The following DUS2 variants were observed in gnomAD, a reference collection of about 807,000 sequenced individuals.
DUS2 encodes the protein dihydrouridine synthase 2.
A neutral mutation model predicts 71.3 loss-of-function variants in DUS2; 52 were observed. That is an observed-to-expected ratio of 0.73 (90% CI 0.58 to 0.92). The LOEUF is 0.92. DUS2 is among the 40% of genes least tolerant of loss of function. DUS2 has a pLI of 0.00. For synonymous variants in DUS2, 204 were observed against 227.8 expected (o/e 0.90, Z 0.94); for missense variants, 558 against 622.6 (o/e 0.90, Z 1.10).
chr16:68,076,095 T>C (rs2034152307), intron 14 of DUS2, among the ~76,000 whole-genome samples: 1 of 151,316 alleles, frequency 6.6e-6, no homozygotes. Context: ...CCAGGGAGAG[T>C]TCCAGTTGGG....
At chr16:68,034,473 C>T (rs1298022026) in intron 2 of DUS2, among the ~76,000 whole-genome samples, 2 of 152,184 alleles carry the variant, frequency 1.3e-5, no homozygotes, top group Non-Finnish European at 2.9e-5. Context: ...CCACCTCAGC[C>T]TCCCAAGTAA....
chr16:68,042,688 T>C (rs1282866908), intron 3 of DUS2, among the ~76,000 whole-genome samples: 1 of 151,782 alleles, frequency 6.6e-6, no homozygotes, highest in East Asian at 1.9e-4. Context: ...TTTATTTATT[T>C]ATTTATTTTT....
At chr16:68,061,215 C>A in intron 8 of DUS2, 102 bp downstream of exon 8, 1 of 1,246,682 alleles carries the variant, frequency 8.0e-7, no homozygotes, top group Non-Finnish European at 1.2e-6. Flanking sequence ...CTGATGTCCA[C>A]CCAGTTTCTC....
intron 3 of DUS2, among the ~76,000 whole-genome samples, chr16:68,040,583 G>A (rs1328079311): frequency 6.6e-6 from 1 of 152,176 alleles, no homozygotes; most frequent in Non-Finnish European, 1.5e-5. Flanking sequence ...TCTTCCCTGA[G>A]AGAGTCAGTA....
chr16:68,057,469 A>G (rs987123989), intron 7 of DUS2, among the ~76,000 whole-genome samples: 2 of 151,850 alleles, frequency 1.3e-5, no homozygotes, highest in African/African-American at 2.4e-5. Context: ...GTGGTGGCCC[A>G]CACATGTAAT....
Position 68,074,136 on chromosome 16 carries a change from CA to C in DUS2, c.914del (p.Gln305ArgfsTer71). The C allele has an allele frequency of 6.2e-7, 1 of 1,614,188 alleles. No individual in the cohort carries two copies. On this transcript the variant is annotated frameshift_variant, in exon 13 of 17. Transcript: ENST00000565263. LOFTEE classifies it high-confidence loss of function. ...SPQGRLLHAAQSSREICEAFG... is the reference protein window; with the variant it reads ...SPQGRLLHAAXSSREICEAFG... ...CCAGGGAAGGTTGCTCCATGCTGCCCAGTCTTCCCGGGAAATTTGGTAAGAG... is the reference window on the plus strand; with the variant it reads ...CCAGGGAAGGTTGCTCCATGCTGCCCGTCTTCCCGGGAAATTTGGTAAGAG...
Position 68,066,829 on chromosome 16 carries a change from C to T in DUS2, c.554+193C>T, listed in dbSNP as rs371041173. ...TGAATGGGCTTTTGCATTTGCCTTT[C>T]TTTCATTCATGGAGTGCCTATTGAG... On this transcript the variant is annotated intron_variant, in intron 10 of 16. Transcript: ENST00000565263. Among the ~76,000 whole-genome samples the T allele has an allele frequency of 2.0e-4, 31 of 152,214 alleles. No individual in the cohort carries two copies. The East Asian group carries it at 5.6e-3, about 28-fold the overall frequency.
At chr16:68,041,234 C>G (rs181734918) in intron 3 of DUS2, among the ~76,000 whole-genome samples, 157 of 152,008 alleles carry the variant, frequency 1.0e-3, no homozygotes, top group Non-Finnish European at 1.7e-3. Flanking sequence ...AAACACAACC[C>G]ACAAAGTCCT....
chr16:68,055,041 T>TA (rs11371162), intron 6 of DUS2, among the ~76,000 whole-genome samples: 25,746 of 148,502 alleles, frequency 0.17, 2,378 homozygotes, highest in African/African-American at 0.24. Flanking sequence ...GACTCTGTCT[T>TA]AAAAAAAAAA....
Position 68,070,087 on chromosome 16 carries a change from C to T in DUS2, c.555-47C>T, listed in dbSNP as rs545627006. 72 of 1,555,542 alleles carry T rather than the reference C, an allele frequency of 4.6e-5. No individual in the cohort carries two copies. The Admixed American group carries it at 5.5e-4, about 12-fold the overall frequency. ...TGAGGTAACCCTGTGTGAGTGGTGT[C>T]GTGGCTTTTGGTGCTTAGCCCTCAG... On this transcript the variant is annotated intron_variant, in intron 10 of 16. Coordinates refer to ENST00000565263, the MANE Select transcript of DUS2 (RefSeq NM_017803.5).
At chr16:68,027,757 T>C (rs2033376022) in intron 2 of DUS2, among the ~76,000 whole-genome samples, 1 of 152,196 alleles carries the variant, frequency 6.6e-6, no homozygotes, top group Admixed American at 6.5e-5. Context: ...TACCCTGTTT[T>C]GGGAGATGTT....
intron 6 of DUS2, 87 bp from the exon 7 acceptor site, chr16:68,056,277 A>T: frequency 8.6e-7 from 1 of 1,160,524 alleles, no homozygotes; most frequent in Non-Finnish European, 1.3e-6. Flanking sequence ...TAAGAGGTTC[A>T]TGAGCACAGG....
At chr16:68,045,283 G>T (rs568292221) in intron 3 of DUS2, among the ~76,000 whole-genome samples, 2 of 151,982 alleles carry the variant, frequency 1.3e-5, no homozygotes, top group East Asian at 3.9e-4. Context: ...ATGTATGGGT[G>T]GGGGAAACTT....
At position 68,043,412 on chromosome 16, in the gene DUS2, GA is replaced by G. The variant is rs796692363; in HGVS notation, c.126+5277del. 2.7e-3 allele frequency among the ~76,000 whole-genome samples: 369 copies of G among 135,268 alleles called. 2 individuals carry two copies. The highest frequency in any genetic ancestry group is 5.8e-3 in the African/African-American group (213 of 36,916). 88.7% of individuals were successfully genotyped at this position (135,268 alleles called of 152,430 possible). ...TCAGAGCAAGACTCCGTCTCAGGGAGAAAAAAAAAAAAAAGTGCTGGGATTA... is the reference window on the plus strand; with the variant it reads ...TCAGAGCAAGACTCCGTCTCAGGGAGAAAAAAAAAAAAAGTGCTGGGATTA... On this transcript the variant is annotated intron_variant, in intron 3 of 16. Transcript: ENST00000565263.
chr16:68,059,152 G>A (rs1476392836), intron 7 of DUS2, among the ~76,000 whole-genome samples: 3 of 152,150 alleles, frequency 2.0e-5, no homozygotes, highest in African/African-American at 4.8e-5. Flanking sequence ...GGCAGAGGTC[G>A]CAGTGAGCCA....
Position 68,070,124 on chromosome 16 carries a change from T to C in DUS2, c.555-10T>C. On this transcript the variant is annotated splice_polypyrimidine_tract_variant and intron_variant, in intron 10 of 16. Transcript: ENST00000565263. The stretch of plus-strand genomic sequence containing the variant: ...TGCTTAGCCCTCAGCCCCATCTTTC[T>C]ATCTCCAAGGAAGCGGGAGGAGCGA... The C allele has an allele frequency of 6.2e-7, 1 of 1,613,864 alleles. No individual in the cohort carries two copies. The highest frequency in any genetic ancestry group is 1.1e-5 in the South Asian group (1 of 91,086).
At chr16:68,073,758 C>CT (rs1296362369) in intron 12 of DUS2, among the ~76,000 whole-genome samples, 1 of 151,726 alleles carries the variant, frequency 6.6e-6, no homozygotes, top group South Asian at 2.1e-4. Flanking sequence ...CGATAATTTT[C>CT]TTTTTTTTAA....
At chr16:68,056,733 A>T in intron 7 of DUS2, among the ~76,000 whole-genome samples, 1 of 150,756 alleles carries the variant, frequency 6.6e-6, no homozygotes, top group East Asian at 1.9e-4. Flanking sequence ...TTTACCCTCA[A>T]GTGGTTTATA....
intron 2 of DUS2, among the ~76,000 whole-genome samples, chr16:68,035,412 T>A (rs1301895707): frequency 6.6e-6 from 1 of 152,008 alleles, no homozygotes; most frequent in African/African-American, 2.4e-5. Flanking sequence ...TTCTTTTTCC[T>A]TGCTCTGTTG....
Sources: gnomAD v4.1 joint callset for allele counts (sites outside exome capture counted in the v4.1 genomes callset) on GRCh38, gnomAD v4.1.1 for gene constraint, MANE v1.5 for transcripts, NCBI Gene and HGNC (gene_info 2026-07-23, HGNC 2026-07-21) for gene names.